TIAM1: variants seen among roughly 807,000 people sequenced by gnomAD.
TIAM1 encodes TIAM Rac1 associated GEF 1, also known as rho guanine nucleotide exchange factor TIAM1.
A neutral mutation model predicts 163.5 loss-of-function variants in TIAM1; 65 were observed. That is an observed-to-expected ratio of 0.40 (90% CI 0.33 to 0.49). The LOEUF is 0.49. TIAM1 is among the 20% of genes least tolerant of loss of function. The pLI is 0.77. For missense variants in TIAM1, 1,789 were observed against 2,044.7 expected, an observed-to-expected ratio of 0.87 and a Z score of 2.41; for synonymous variants, 833 against 810.1, an observed-to-expected ratio of 1.03 and a Z score of -0.48.
intron 2 of TIAM1, among the ~76,000 whole-genome samples, chr21:31,455,254 G>A (rs946220902): frequency 2.1e-5 from 3 of 139,790 alleles, no homozygotes; most frequent in African/African-American, 5.3e-5. Flanking sequence ...ACTCCAGCCT[G>A]GGCAACAAGA....
At chr21:31,376,224 C>G (rs139447221) in intron 2 of TIAM1, among the ~76,000 whole-genome samples, 1 of 152,078 alleles carries the variant, frequency 6.6e-6, no homozygotes, top group Non-Finnish European at 1.5e-5. Flanking sequence ...CAGATGTATA[C>G]ATTCACACAC....
At chr21:31,235,474 G>A (rs1601651838) in intron 6 of TIAM1, among the ~76,000 whole-genome samples, 1 of 152,146 alleles carries the variant, frequency 6.6e-6, no homozygotes, top group Non-Finnish European at 1.5e-5. Flanking sequence ...ACAGCTAAAT[G>A]TTCATCTATC....
At chr21:31,521,743 CAA>C (rs1491454661) in intron 1 of TIAM1, among the ~76,000 whole-genome samples, 1 of 112,570 alleles carries the variant, frequency 8.9e-6, no homozygotes, top group African/African-American at 4.0e-5. Context: ...GCCTCACACA[CAA>C]ACACACACAC....
At chr21:31,411,470 A>AT (rs2077356288) in intron 2 of TIAM1, among the ~76,000 whole-genome samples, 1 of 123,204 alleles carries the variant, frequency 8.1e-6, no homozygotes, top group African/African-American at 3.3e-5. Context: ...TTCCCAAGAA[A>AT]CTTTTTTTTT....
At position 31,442,914 on chromosome 21, in the gene TIAM1, G is replaced by A. The variant is rs2044487692; in HGVS notation, c.-369+21069C>T. ...AGGTCACATATGCAAATATGAGACG[G>A]CCAGGACCTGAAGAAGTCCCCAGGG... is the stretch of plus-strand genomic sequence containing the variant. On this transcript the variant is annotated intron_variant, in intron 2 of 28. Transcript: ENST00000286827. 2.0e-5 allele frequency among the ~76,000 whole-genome samples: 3 copies of A among 152,230 alleles called. No homozygotes were observed. The South Asian group carries it at 6.2e-4, about 31-fold the overall frequency.
At chr21:31,543,531 G>A (rs190826046) in intron 1 of TIAM1, among the ~76,000 whole-genome samples, 1 of 152,136 alleles carries the variant, frequency 6.6e-6, no homozygotes, top group African/African-American at 2.4e-5. Flanking sequence ...TAACGATTCA[G>A]AAGGGAAGGG....
At chr21:31,415,324 T>G (rs2043334787) in intron 2 of TIAM1, among the ~76,000 whole-genome samples, 1 of 152,184 alleles carries the variant, frequency 6.6e-6, no homozygotes, top group African/African-American at 2.4e-5. Context: ...AAGCAGGTGT[T>G]CCCTCCAGAG....
chr21:31,466,212 C>T (rs776561886), intron 1 of TIAM1, among the ~76,000 whole-genome samples: 11 of 152,206 alleles, frequency 7.2e-5, no homozygotes, highest in Non-Finnish European at 1.5e-4. Context: ...ACTCCAAATA[C>T]AGCAAAGACG....
intron 20 of TIAM1, among the ~76,000 whole-genome samples, chr21:31,145,063 A>C (rs1281745083): frequency 6.6e-6 from 1 of 152,136 alleles, no homozygotes; most frequent in Non-Finnish European, 1.5e-5. Flanking sequence ...TTACTTTAAC[A>C]ATCTCGTAAC....
At chr21:31,200,341 A>C (rs1193849413) in intron 12 of TIAM1, among the ~76,000 whole-genome samples, 1 of 152,148 alleles carries the variant, frequency 6.6e-6, no homozygotes, top group Admixed American at 6.5e-5. Flanking sequence ...CATCACAGAA[A>C]AAAAAAAAAG....
At chr21:31,224,170 T>G (rs1276031764) in intron 7 of TIAM1, among the ~76,000 whole-genome samples, 1 of 152,136 alleles carries the variant, frequency 6.6e-6, no homozygotes, top group Non-Finnish European at 1.5e-5. Flanking sequence ...TTGGGATGTT[T>G]GAAAAAGATA....
intron 1 of TIAM1, among the ~76,000 whole-genome samples, chr21:31,541,847 A>G (rs940303350): frequency 2.0e-4 from 31 of 152,254 alleles, no homozygotes; most frequent in Non-Finnish European, 4.0e-4. Context: ...CAATAAAAAC[A>G]CATTTTAAAA....
intron 2 of TIAM1, among the ~76,000 whole-genome samples, chr21:31,281,705 T>A (rs2073574605): frequency 1.3e-5 from 2 of 151,816 alleles, no homozygotes; most frequent in Admixed American, 1.3e-4. Flanking sequence ...GATGGATGGA[T>A]GGATAGATGG....
chr21:31,419,144 C>T (rs1261947965), intron 2 of TIAM1, among the ~76,000 whole-genome samples: 7 of 152,140 alleles, frequency 4.6e-5, no homozygotes, highest in Admixed American at 3.9e-4. Flanking sequence ...CTCCAAAAAT[C>T]GGTATTCAGT....
At chr21:31,187,125 C>A in intron 13 of TIAM1, 38 bp from the exon 14 acceptor site, 1 of 1,589,250 alleles carries the variant, frequency 6.3e-7, no homozygotes, top group Non-Finnish European at 8.6e-7. Flanking sequence ...AGGGCTCACA[C>A]CTTCTGAATG....
At chr21:31,121,804 G>C (rs1011534532) in intron 27 of TIAM1, among the ~76,000 whole-genome samples, 1 of 152,166 alleles carries the variant, frequency 6.6e-6, no homozygotes, top group African/African-American at 2.4e-5. Flanking sequence ...GACACCATCC[G>C]ATCAAGCCAA....
At position 31,119,882 on chromosome 21, in the gene TIAM1, A is replaced by G. The variant is rs2081937094; in HGVS notation, c.*486T>C. The stretch of plus-strand genomic sequence containing the variant: ...TCACACATTCTTAAAATACACGGAG[A>G]TTCTCAGACATGGAAGAGGGAAGGG... On this transcript the variant is annotated 3_prime_UTR_variant, in exon 28 of 28. Transcript: ENST00000541036. 1 of 152,442 alleles carries G rather than the reference A, an allele frequency of 6.6e-6. No homozygotes were observed. Among genetic ancestry groups the G allele is most frequent in the Admixed American group, 6.5e-5 (1 of 15,284 alleles). 9.4% of individuals were successfully genotyped at this position (152,442 alleles called of 1,614,324 possible).
intron 2 of TIAM1, among the ~76,000 whole-genome samples, chr21:31,368,468 A>T (rs888151349): frequency 1.3e-5 from 2 of 152,194 alleles, no homozygotes; most frequent in Admixed American, 1.3e-4. Flanking sequence ...TTGACTTCAA[A>T]TCCAAAATAT....
intron 3 of TIAM1, among the ~76,000 whole-genome samples, chr21:31,269,832 T>C (rs1307570947): frequency 1.3e-5 from 2 of 151,968 alleles, no homozygotes; most frequent in East Asian, 3.9e-4. Context: ...CCACCACGCC[T>C]GGCTAATTTT....
Sources: allele counts gnomAD v4.1 joint callset (sites outside exome capture counted in the v4.1 genomes callset), GRCh38; gene constraint gnomAD v4.1.1; transcripts MANE v1.5; gene names NCBI Gene and HGNC (gene_info 2026-07-23, HGNC 2026-07-21).